FNDC3B: variants seen among roughly 807,000 people sequenced by gnomAD.
FNDC3B encodes fibronectin type III domain-containing protein 3B.
In FNDC3B, 12 loss-of-function variants were observed where a neutral mutation model predicts 151.5. That is an observed-to-expected ratio of 0.08 (90% CI 0.05 to 0.13). FNDC3B has a LOEUF of 0.13. FNDC3B is among the 10% of genes least tolerant of loss of function. The pLI, the probability that FNDC3B is intolerant of heterozygous loss-of-function variation, is 1.00. For synonymous variants in FNDC3B, 528 were observed against 549.0 expected, an observed-to-expected ratio of 0.96 and a Z score of 0.54; for missense variants, 1,214 against 1,505.3, an observed-to-expected ratio of 0.81 and a Z score of 3.20.
intron 1 of FNDC3B, among the ~76,000 whole-genome samples, chr3:172,065,667 A>G (rs1717462342): frequency 1.3e-5 from 2 of 152,194 alleles, no homozygotes; most frequent in Admixed American, 6.5e-5. Flanking sequence ...GCAGTTACTG[A>G]TCTGTCATTT....
At chr3:172,168,837 C>G (rs184950222) in intron 3 of FNDC3B, among the ~76,000 whole-genome samples, 1 of 150,950 alleles carries the variant, frequency 6.6e-6, no homozygotes, top group South Asian at 2.1e-4. Flanking sequence ...CTCAGCCTCC[C>G]GAGTAGCTGG....
At chr3:172,394,535 T>G (rs1458934630) in intron 25 of FNDC3B, among the ~76,000 whole-genome samples, 1 of 152,184 alleles carries the variant, frequency 6.6e-6, no homozygotes, top group Non-Finnish European at 1.5e-5. Flanking sequence ...ACATGCAACT[T>G]ATCAAGACTG....
intron 1 of FNDC3B, among the ~76,000 whole-genome samples, chr3:172,091,705 C>G (rs1036014543): frequency 1.3e-5 from 2 of 152,044 alleles, no homozygotes; most frequent in Non-Finnish European, 2.9e-5. Flanking sequence ...AAATATGGTG[C>G]AAAAATTATC....
intron 11 of FNDC3B, among the ~76,000 whole-genome samples, chr3:172,323,028 TTTTG>T (rs56787564): frequency 2.0e-5 from 3 of 151,614 alleles, no homozygotes; most frequent in East Asian, 1.9e-4. Flanking sequence ...GTGTTTTAGT[TTTTG>T]TTTGTTTGTT....
At chr3:172,172,709 A>G (rs1277183627) in intron 3 of FNDC3B, among the ~76,000 whole-genome samples, 1 of 152,256 alleles carries the variant, frequency 6.6e-6, no homozygotes, top group Non-Finnish European at 1.5e-5. Context: ...AGGTTTAGAC[A>G]TACTGATTGA....
chr3:172,116,819 G>A (rs1157012900), intron 2 of FNDC3B, among the ~76,000 whole-genome samples: 1 of 152,172 alleles, frequency 6.6e-6, no homozygotes, highest in East Asian at 1.9e-4. Context: ...GCCCGCCTTG[G>A]CCTCCCAGAG....
At chr3:172,372,090 G>A (rs539143339) in intron 23 of FNDC3B, among the ~76,000 whole-genome samples, 12 of 152,284 alleles carry the variant, frequency 7.9e-5, no homozygotes, top group African/African-American at 2.4e-5. Context: ...AACTTACCTG[G>A]TTATAGAACG....
intron 4 of FNDC3B, among the ~76,000 whole-genome samples, chr3:172,233,651 C>G (rs1165055629): frequency 3.9e-5 from 6 of 152,180 alleles, no homozygotes; most frequent in Non-Finnish European, 8.8e-5. Context: ...TTGGTAATTA[C>G]AGCTGGGGAT....
intron 4 of FNDC3B, among the ~76,000 whole-genome samples, chr3:172,235,718 A>G (rs923357719): frequency 9.2e-5 from 14 of 152,230 alleles, no homozygotes; most frequent in African/African-American, 3.4e-4. Context: ...CCTTCCCTGC[A>G]GAGATTGTCT....
intron 3 of FNDC3B, among the ~76,000 whole-genome samples, chr3:172,142,549 G>A (rs1721678683): frequency 6.6e-6 from 1 of 152,212 alleles, no homozygotes; most frequent in South Asian, 2.1e-4. Flanking sequence ...TAGTCTTTCA[G>A]TTCCTGCTTT....
chr3:172,341,857 G>T (rs752569082), intron 17 of FNDC3B, among the ~76,000 whole-genome samples: 8 of 152,140 alleles, frequency 5.3e-5, no homozygotes, highest in Non-Finnish European at 1.2e-4. Flanking sequence ...CAACCACATA[G>T]TACTCTCATA....
rs764705891 is a variant in FNDC3B at position 172,310,856 on chromosome 3, C to T, written c.1229C>T (p.Thr410Ile). The T allele has an allele frequency of 2.5e-6, 4 of 1,612,376 alleles. No homozygotes were observed. The Admixed American group carries it at 5.0e-5, about 20-fold the overall frequency. The change falls in exon 11 of 26, where the codon ACC (threonine) becomes ATC (isoleucine). Residue 410 changes from threonine to isoleucine, a missense_variant. By Grantham distance (89) the Thr-to-Ile change is moderately conservative. Coordinates refer to ENST00000415807, the MANE Select transcript of FNDC3B (RefSeq NM_022763.4). ...CCAATTGACAACGGTTCAAAAATCACCAACTACCTTTTAGAGTGGGATGAG... is the reference window on the plus strand; with the variant it reads ...CCAATTGACAACGGTTCAAAAATCATCAACTACCTTTTAGAGTGGGATGAG... Reference protein sequence around the residue: ...KAPIDNGSKITNYLLEWDEGK... With the variant: ...KAPIDNGSKIINYLLEWDEGK...
intron 11 of FNDC3B, among the ~76,000 whole-genome samples, chr3:172,326,612 T>C (rs1366295933): frequency 6.6e-6 from 1 of 152,178 alleles, no homozygotes; most frequent in Non-Finnish European, 1.5e-5. Context: ...AGAATTTTTT[T>C]AAATGTTAGC....
intron 6 of FNDC3B, among the ~76,000 whole-genome samples, chr3:172,252,299 G>A (rs565583017): frequency 3.9e-5 from 6 of 152,086 alleles, no homozygotes; most frequent in Non-Finnish European, 7.4e-5. Context: ...AAAAAAGGTA[G>A]CATTTGGATA....
intron 3 of FNDC3B, among the ~76,000 whole-genome samples, chr3:172,180,597 AG>A (rs1464684831): frequency 6.6e-6 from 1 of 152,206 alleles, no homozygotes; most frequent in Non-Finnish European, 1.5e-5. Context: ...GTATCTAAGG[AG>A]GCAGAGCAGA....
chr3:172,293,828 C>T (rs2108838393), intron 7 of FNDC3B, among the ~76,000 whole-genome samples: 1 of 152,252 alleles, frequency 6.6e-6, no homozygotes, highest in Admixed American at 6.5e-5. Flanking sequence ...ATTCATTTTC[C>T]ATATTTATTA....
intron 9 of FNDC3B, among the ~76,000 whole-genome samples, chr3:172,299,207 T>C (rs1211733853): frequency 2.0e-5 from 3 of 152,192 alleles, no homozygotes; most frequent in African/African-American, 7.2e-5. Context: ...CGTTAGACCT[T>C]AAAAGCTGGT....
intron 7 of FNDC3B, among the ~76,000 whole-genome samples, chr3:172,295,029 G>A (rs950115118): frequency 5.3e-5 from 8 of 152,186 alleles, no homozygotes; most frequent in African/African-American, 1.9e-4. Flanking sequence ...AAGTACCTGT[G>A]GGTATGGCTT....
chr3:172,160,805 G>T (rs1300894915), intron 3 of FNDC3B, among the ~76,000 whole-genome samples: 1 of 152,038 alleles, frequency 6.6e-6, no homozygotes, highest in Non-Finnish European at 1.5e-5. Flanking sequence ...CATTTATATT[G>T]GCCACAACTG....
Sources: allele counts gnomAD v4.1 joint callset (sites outside exome capture counted in the v4.1 genomes callset), GRCh38; gene constraint gnomAD v4.1.1; transcripts MANE v1.5; gene names NCBI Gene and HGNC (gene_info 2026-07-23, HGNC 2026-07-21).